Variants in STAB2 observed in about 807,000 individuals in gnomAD.
STAB2 encodes the protein stabilin-2.
A neutral mutation model predicts 338.1 loss-of-function variants in STAB2; 288 were observed. That is an observed-to-expected ratio of 0.85 (90% confidence interval 0.77 to 0.94). STAB2 has a LOEUF of 0.94. Among genes scored for constraint, STAB2 ranks in the 40% least tolerant of loss-of-function variants. The pLI, the probability that STAB2 is intolerant of heterozygous loss-of-function variation, is 0.00. For synonymous variants in STAB2, 1,202 were observed against 1,193.3 expected (o/e 1.01, Z -0.15); for missense variants, 3,141 against 3,210.1 (o/e 0.98, Z 0.52).
intron 58 of STAB2, among the ~76,000 whole-genome samples, chr12:103,747,251 C>CAT (rs1439076215): frequency 2.4e-4 from 36 of 152,290 alleles, no homozygotes; most frequent in African/African-American, 7.9e-4. Flanking sequence ...ACTGTGAACA[C>CAT]TGCAATATCC....
chr12:103,630,159 G>A (rs1010037354), intron 5 of STAB2, among the ~76,000 whole-genome samples: 9 of 152,178 alleles, frequency 5.9e-5, no homozygotes, highest in African/African-American at 2.2e-4. Flanking sequence ...CAAGAAACTG[G>A]AAATAGCAAG....
At chr12:103,634,507 T>C (rs775529757) in intron 6 of STAB2, among the ~76,000 whole-genome samples, 25 of 152,258 alleles carry the variant, frequency 1.6e-4, no homozygotes, top group African/African-American at 5.3e-4. Context: ...CACTCACATA[T>C]CTTATACGTA....
In STAB2 at chr12:103,703,018, G is replaced by A. The variant is rs945853768; in HGVS notation, c.3715-130G>A. The A allele has an allele frequency of 5.6e-6, 6 of 1,072,860 alleles. No individual in the cohort carries two copies. The African/African-American group carries it at 8.1e-5, about 14-fold the overall frequency. The allele number at this position is 1,072,860 out of a possible 1,614,324, so 66.5% of individuals were successfully genotyped here. ...AGTCAGAGCTCTTTCCAATACAAGT[G>A]ACTATTATATCTCCAGGTGAATATT... On this transcript the variant is annotated intron_variant, in intron 34 of 68. Transcript: ENST00000388887.
At position 103,671,953 on chromosome 12, in the gene STAB2, C is replaced by T. The variant is rs768176858; in HGVS notation, c.2371+1146C>T. On this transcript the variant is annotated intron_variant, in intron 22 of 68. Transcript: ENST00000388887. ...CAGACCATCCTGAAGTCCCCACACTCCAGCCTACCAACCGTCTGATCTCAG... is the reference window on the plus strand; with the variant it reads ...CAGACCATCCTGAAGTCCCCACACTTCAGCCTACCAACCGTCTGATCTCAG... 8.2e-4 allele frequency among the ~76,000 whole-genome samples: 125 copies of T among 152,336 alleles called. 2 individuals are homozygous for T. Among genetic ancestry groups the T allele is most frequent in the Middle Eastern group, 3.4e-3 (1 of 294 alleles).
At position 103,587,435 on chromosome 12, in the gene STAB2, C is replaced by A; in HGVS notation, c.-42C>A. The A allele has an allele frequency of 6.5e-7, 1 of 1,530,948 alleles. No homozygotes were observed. The highest frequency in any genetic ancestry group is 1.2e-5 in the South Asian group (1 of 86,902). The allele number at this position is 1,530,948 out of a possible 1,614,324, so 94.8% of individuals were successfully genotyped here. On this transcript the variant is annotated 5_prime_UTR_variant, in exon 1 of 69. Coordinates refer to ENST00000388887, the MANE Select transcript of STAB2 (RefSeq NM_017564.10). ...AACTAAGTTAAAATAGCTAAGTCAGCCTGACAGGTGCTTGGCACAGAGAAG... is the reference window on the plus strand; with the variant it reads ...AACTAAGTTAAAATAGCTAAGTCAGACTGACAGGTGCTTGGCACAGAGAAG...
intron 3 of STAB2, among the ~76,000 whole-genome samples, chr12:103,606,528 G>C (rs910351849): frequency 6.6e-6 from 1 of 152,042 alleles, no homozygotes; most frequent in African/African-American, 2.4e-5. Context: ...TGTAGTGCAG[G>C]ATATCTAGTG....
At chr12:103,658,692 C>T (rs1449690796) in intron 15 of STAB2, among the ~76,000 whole-genome samples, 1 of 152,120 alleles carries the variant, frequency 6.6e-6, no homozygotes, top group Non-Finnish European at 1.5e-5. Flanking sequence ...TCCTGAAGGC[C>T]AGCTCAGTGC....
At chr12:103,704,461 G>A (rs901185954) in intron 35 of STAB2, 97 bp from the exon 36 acceptor site, 54 of 1,250,312 alleles carry the variant, frequency 4.3e-5, no homozygotes, top group Non-Finnish European at 5.9e-5. Context: ...AATCTGCCTT[G>A]ATTTTTAATT....
intron 18 of STAB2, among the ~76,000 whole-genome samples, chr12:103,663,371 G>T (rs918519133): frequency 6.7e-6 from 1 of 149,594 alleles, no homozygotes; most frequent in Non-Finnish European, 1.5e-5. Context: ...CTCTAGGGAA[G>T]AATGTTTCTT....
intron 17 of STAB2, among the ~76,000 whole-genome samples, chr12:103,660,990 C>A (rs1459776878): frequency 6.6e-6 from 1 of 152,050 alleles, no homozygotes; most frequent in East Asian, 1.9e-4. Context: ...GACTTCTATC[C>A]CAGCAGGGAA....
At chr12:103,761,867 G>A (rs955791156) in intron 66 of STAB2, among the ~76,000 whole-genome samples, 10 of 152,174 alleles carry the variant, frequency 6.6e-5, no homozygotes, top group Non-Finnish European at 1.5e-4. Flanking sequence ...ATAAAAGTTG[G>A]TGATGGTGGT....
At chr12:103,628,939 C>T (rs905194098) in intron 5 of STAB2, among the ~76,000 whole-genome samples, 3 of 152,222 alleles carry the variant, frequency 2.0e-5, no homozygotes, top group Non-Finnish European at 2.9e-5. Context: ...TGCACTTGCA[C>T]AACCCTGTTT....
intron 6 of STAB2, among the ~76,000 whole-genome samples, chr12:103,634,563 T>C (rs183424455): frequency 6.6e-6 from 1 of 152,368 alleles, no homozygotes; most frequent in Non-Finnish European, 1.5e-5. Context: ...ATTAAGCATG[T>C]CACTTTTTCA....
rs1565945709 is a variant in STAB2 at position 103,587,561 on chromosome 12, AGAG to A, written c.81+8_81+10del. On this transcript the variant is annotated splice_donor_5th_base_variant and intron_variant, in intron 1 of 68. Coordinates refer to ENST00000388887, the MANE Select transcript of STAB2 (RefSeq NM_017564.10). Reference sequence around the variant, plus strand: ...CCCAGCTGAAACCACAGGGCAGGTAAGAGGAGACTTACATATTTTTTTCATTTG... The same window carrying A: ...CCCAGCTGAAACCACAGGGCAGGTAAGAGACTTACATATTTTTTTCATTTG... 11 of 1,612,182 alleles carry A rather than the reference AGAG, an allele frequency of 6.8e-6. No individual in the cohort carries two copies. The South Asian group carries it at 1.2e-4, about 18-fold the overall frequency.
chr12:103,669,568 G>A lies in STAB2; in HGVS notation c.2200G>A (p.Gly734Arg), dbSNP rs1219458146. 2 of 1,614,198 alleles carry A rather than the reference G, an allele frequency of 1.2e-6. No homozygotes were observed. The part of the protein sequence containing the change: ...KIPKCCKGFY[G>R]PDCNQCPGGF... Reference sequence around the variant, plus strand: ...TCCAAAGTGCTGCAAAGGCTTCTATGGACCTGACTGCAACCAGTGTCCAGG... The same window carrying A: ...TCCAAAGTGCTGCAAAGGCTTCTATAGACCTGACTGCAACCAGTGTCCAGG... The change falls in exon 21 of 69, where the codon GGA (glycine) becomes AGA (arginine). Residue 734 changes from glycine to arginine, a missense_variant. By Grantham distance (125) the Gly-to-Arg change is moderately radical. Transcript: ENST00000388887.
intron 28 of STAB2, 90 bp downstream of exon 28, chr12:103,688,305 T>G: frequency 7.9e-7 from 1 of 1,258,440 alleles, no homozygotes; most frequent in Non-Finnish European, 1.2e-6. Flanking sequence ...ATGCAGCTGG[T>G]AAGGAGTGTA....
intron 26 of STAB2, 68 bp downstream of exon 26, chr12:103,683,368 T>TTATTTCC (rs1877106007): frequency 2.1e-6 from 3 of 1,418,812 alleles, no homozygotes; most frequent in Non-Finnish European, 2.9e-6. Context: ...GAAAGAAAGA[T>TTATTTCC]TATTTCCTGT....
At chr12:103,599,660 T>G (rs1042400418) in intron 3 of STAB2, among the ~76,000 whole-genome samples, 1 of 152,228 alleles carries the variant, frequency 6.6e-6, no homozygotes, top group African/African-American at 2.4e-5. Flanking sequence ...TATCTGAAAT[T>G]TAAATCTAAC....
At chr12:103,667,703 T>C (rs1254044775) in intron 19 of STAB2, among the ~76,000 whole-genome samples, 3 of 152,208 alleles carry the variant, frequency 2.0e-5, no homozygotes, top group Non-Finnish European at 4.4e-5. Context: ...TTCCTTCATA[T>C]AGCTAATATT....
Sources: gnomAD v4.1 joint callset for allele counts (sites outside exome capture counted in the v4.1 genomes callset) on GRCh38, gnomAD v4.1.1 for gene constraint, MANE v1.5 for transcripts, NCBI Gene and HGNC (gene_info 2026-07-23, HGNC 2026-07-21) for gene names.